Variants in ZBTB46 observed in about 807,000 individuals in gnomAD.
ZBTB46 encodes the protein zinc finger and BTB domain containing 46.
Under a neutral mutation model 44.1 loss-of-function variants are expected in ZBTB46, and 8 were observed. The ratio of observed to expected loss-of-function variants is 0.18; its 90% confidence interval spans 0.11 to 0.33. The LOEUF (loss-of-function observed/expected upper bound fraction) is 0.33, where lower values mean the gene tolerates loss of function less well. Among genes scored for constraint, ZBTB46 ranks in the 10% least tolerant of loss-of-function variants. The probability of loss-of-function intolerance (pLI) is 1.00; values close to 1 mark genes in which losing one functional copy is unlikely to be tolerated. For synonymous variants in ZBTB46, 409 were observed against 382.3 expected, an observed-to-expected ratio of 1.07 and a Z score of -0.81; for missense variants, 651 against 847.7, an observed-to-expected ratio of 0.77 and a Z score of 2.88.
intron 1 of ZBTB46, among the ~76,000 whole-genome samples, chr20:63,817,809 C>T (rs1171716544): frequency 6.6e-6 from 1 of 151,956 alleles, no homozygotes; most frequent in South Asian, 2.1e-4. Context: ...GAGGCTGGAG[C>T]GAGGCGTCTA....
intron 1 of ZBTB46, among the ~76,000 whole-genome samples, chr20:63,822,950 C>T (rs942377207): frequency 1.3e-5 from 2 of 152,146 alleles, no homozygotes; most frequent in Non-Finnish European, 2.9e-5. Context: ...CACTTAAGCT[C>T]AGGAGTTCGA....
chr20:63,772,756 CACACACA>C (rs2092387198), intron 3 of ZBTB46, among the ~76,000 whole-genome samples: 1 of 66,692 alleles, frequency 1.5e-5, no homozygotes, highest in African/African-American at 5.0e-5. Context: ...CACACACACA[CACACACA>C]CACAGAAGTG....
rs925040176 is a variant in ZBTB46 at position 63,769,686 on chromosome 20, C to T, written c.1222+5992G>A. 8.7e-4 allele frequency among the ~76,000 whole-genome samples: 133 copies of T among 152,148 alleles called. 1 individual carries two copies. Among genetic ancestry groups the T allele is most frequent in the African/African-American group, 3.1e-3 (128 of 41,420 alleles). On this transcript the variant is annotated intron_variant, in intron 3 of 4. Coordinates refer to ENST00000245663, the MANE Select transcript of ZBTB46 (RefSeq NM_001369741.1). ...ACCTCTGGACTGCAGAAATGCTCTCCTGATGAGAACGCCAAGGCACGCTGG... is the reference window on the plus strand; with the variant it reads ...ACCTCTGGACTGCAGAAATGCTCTCTTGATGAGAACGCCAAGGCACGCTGG...
intron 1 of ZBTB46, among the ~76,000 whole-genome samples, chr20:63,800,622 G>T (rs892489002): frequency 6.6e-6 from 1 of 152,242 alleles, no homozygotes; most frequent in African/African-American, 2.4e-5. Flanking sequence ...CTAGAGTTCC[G>T]GGTGGGTGTG....
chr20:63,812,425 C>T (rs923674031), intron 1 of ZBTB46, among the ~76,000 whole-genome samples: 1 of 152,172 alleles, frequency 6.6e-6, no homozygotes, highest in Admixed American at 6.6e-5. Context: ...GGGCGAATCA[C>T]GAGGTCAGGA....
chr20:63,815,239 GGT>G, intron 1 of ZBTB46: 2 of 252,540 alleles, frequency 7.9e-6, no homozygotes, highest in Non-Finnish European at 1.6e-5. Context: ...GAGTGCAATG[GGT>G]GCAGGTGCAG....
chr20:63,812,335 C>T (rs2092722023), intron 1 of ZBTB46, among the ~76,000 whole-genome samples: 1 of 151,772 alleles, frequency 6.6e-6, no homozygotes, highest in South Asian at 2.1e-4. Flanking sequence ...TAGTGAAACC[C>T]CGTCTCTACT....
At chr20:63,810,982 C>T (rs1362905636) in intron 1 of ZBTB46, among the ~76,000 whole-genome samples, 1 of 152,208 alleles carries the variant, frequency 6.6e-6, no homozygotes, top group East Asian at 1.9e-4. Flanking sequence ...CGAGGAGCTC[C>T]AGCGGCAGAG....
chr20:63,806,529 A>C (rs1486721262), intron 1 of ZBTB46, among the ~76,000 whole-genome samples: 1 of 151,614 alleles, frequency 6.6e-6, no homozygotes, highest in African/African-American at 2.4e-5. Flanking sequence ...TGGTAACTTC[A>C]AAAAAAATAG....
At position 63,787,254 on chromosome 20, in the gene ZBTB46, G is replaced by A. The variant is rs901204057; in HGVS notation, c.937+2567C>T. 1.3e-5 allele frequency among the ~76,000 whole-genome samples: 2 copies of A among 151,984 alleles called. No homozygotes were observed. The highest frequency in any genetic ancestry group is 2.1e-4 in the South Asian group (1 of 4,828). On this transcript the variant is annotated intron_variant, in intron 2 of 4. Coordinates refer to ENST00000245663, the MANE Select transcript of ZBTB46 (RefSeq NM_001369741.1). This position sits in a 1 kb window ranked among gnomAD's most constrained non-coding sequence, Gnocchi z 4.6. The stretch of plus-strand genomic sequence containing the variant: ...CGGGAAATTCCTGTCACCTGGTGGC[G>A]TGACAGGAATAGCCATCGCCATCCT...
chr20:63,764,915 GATT>G (rs1222790575), intron 3 of ZBTB46, among the ~76,000 whole-genome samples: 1 of 141,588 alleles, frequency 7.1e-6, no homozygotes, highest in East Asian at 2.0e-4. Flanking sequence ...CTGCTTTTAA[GATT>G]TTTTTTTGTT....
At chr20:63,818,640 G>T (rs1030573119) in intron 1 of ZBTB46, among the ~76,000 whole-genome samples, 1 of 152,134 alleles carries the variant, frequency 6.6e-6, no homozygotes, top group African/African-American at 2.4e-5. Context: ...CAGATCACAA[G>T]GTCAGGAGTT....
intron 1 of ZBTB46, among the ~76,000 whole-genome samples, chr20:63,811,095 A>G (rs2092715215): frequency 1.3e-5 from 2 of 152,082 alleles, no homozygotes; most frequent in South Asian, 2.1e-4. Context: ...TGGGTCCCAG[A>G]ACCCCACAGG....
intron 1 of ZBTB46, among the ~76,000 whole-genome samples, chr20:63,802,101 A>G (rs1420377093): frequency 6.6e-6 from 1 of 152,086 alleles, no homozygotes; most frequent in East Asian, 1.9e-4. Flanking sequence ...ATTTGGAAAT[A>G]GGTCATTGCA....
intron 3 of ZBTB46, among the ~76,000 whole-genome samples, chr20:63,757,870 G>C (rs6089976): frequency 4.1e-5 from 1 of 24,504 alleles, no homozygotes. Context: ...TGCCCATCCA[G>C]GGCTCACACT....
intron 2 of ZBTB46, among the ~76,000 whole-genome samples, chr20:63,779,212 C>A (rs1304411610): frequency 7.7e-6 from 1 of 130,690 alleles, no homozygotes; most frequent in East Asian, 2.1e-4. Context: ...AAAAATCACC[C>A]AATTTTATTT....
Position 63,744,562 on chromosome 20 carries a change from A to T in ZBTB46, c.*2368T>A, listed in dbSNP as rs2092070259. 6.6e-6 allele frequency: 1 copy of T among 152,270 alleles called. No individual in the cohort carries two copies. The highest frequency in any genetic ancestry group is 2.4e-5 in the African/African-American group (1 of 41,424). 9.4% of individuals were successfully genotyped at this position (152,270 alleles called of 1,614,324 possible). On this transcript the variant is annotated 3_prime_UTR_variant, in exon 5 of 5. Transcript: ENST00000245663. ...AAAATATTTATTAGTTTGAACATCG[A>T]TTTAAAAAAAAATCAGTCACATAAA...
upstream of ZBTB46, among the ~76,000 whole-genome samples, chr20:63,832,956 C>G (rs923772614): frequency 6.6e-6 from 1 of 151,876 alleles, no homozygotes; most frequent in Non-Finnish European, 1.5e-5. The surrounding 1 kb of genome is among the most constrained non-coding windows in gnomAD (Gnocchi z 5.0). Flanking sequence ...CCTGGGGAGA[C>G]AGGAGAGCTC....
At chr20:63,768,831 G>C (rs1430126602) in intron 3 of ZBTB46, among the ~76,000 whole-genome samples, 3 of 152,126 alleles carry the variant, frequency 2.0e-5, no homozygotes, top group Non-Finnish European at 2.9e-5. Flanking sequence ...TCCGAGTCGG[G>C]GGTTGGCCAG....
Sources: gnomAD v4.1 joint callset for allele counts (sites outside exome capture counted in the v4.1 genomes callset) on GRCh38, gnomAD v4.1.1 for gene constraint, Gnocchi (gnomAD v3.1) non-coding constraint, MANE v1.5 for transcripts, NCBI Gene and HGNC (gene_info 2026-07-23, HGNC 2026-07-21) for gene names.